The following HRG variants were observed in gnomAD, a reference collection of about 807,000 sequenced individuals.
HRG encodes the protein histidine rich glycoprotein, also known as histidine-rich glycoprotein.
Under a neutral mutation model 29.5 loss-of-function variants are expected in HRG, and 26 were observed. That is an observed-to-expected ratio of 0.88 (90% confidence interval 0.65 to 1.22). HRG has a LOEUF of 1.22. Ranked by LOEUF, HRG falls within the 50% of genes most tolerant of loss-of-function variation. The probability of loss-of-function intolerance (pLI) is 0.00; values close to 1 mark genes in which losing one functional copy is unlikely to be tolerated. For synonymous variants in HRG, 243 were observed against 240.4 expected (o/e 1.01, Z -0.10); for missense variants, 671 against 654.5 (o/e 1.03, Z -0.28).
intron 2 of HRG, among the ~76,000 whole-genome samples, chr3:186,669,312 C>G (rs1013667852): frequency 6.6e-6 from 1 of 152,172 alleles, no homozygotes; most frequent in African/African-American, 2.4e-5. Context: ...CTAATAACAT[C>G]CCTCCACTTT....
chr3:186,668,200 T>C (rs1324012967), intron 1 of HRG, among the ~76,000 whole-genome samples: 1 of 152,052 alleles, frequency 6.6e-6, no homozygotes, highest in Admixed American at 6.6e-5. Flanking sequence ...TGGGGAGGGG[T>C]CCTGATGTGC....
chr3:186,666,073 G>A lies in HRG; in HGVS notation c.42G>A (p.Gln14=). The change falls in exon 1 of 7, where the codon CAG becomes CAA. Residue 14 remains glutamine (Q), a synonymous_variant. Coordinates refer to ENST00000232003, the MANE Select transcript of HRG (RefSeq NM_000412.5). ...LIAALLLITL[Q]YSCAVSPTDC... is the part of the protein sequence containing the mutation. ...CAGCACTGCTTTTGATCACATTGCA[G>A]TATTCGTGTGCCGTGAGTCCCACTG... The A allele has an allele frequency of 6.2e-7, 1 of 1,614,222 alleles. No individual in the cohort carries two copies. The highest frequency in any genetic ancestry group is 8.5e-7 in the Non-Finnish European group (1 of 1,180,018).
intron 1 of HRG, 126 bp downstream of exon 1, chr3:186,666,340 G>A (rs1313184001): frequency 2.2e-6 from 2 of 906,258 alleles, no homozygotes; most frequent in African/African-American, 3.3e-5. Context: ...TTTGGCTTCT[G>A]CGGCTGCTCT....
rs757317814 is a variant in HRG, at chr3:186,677,386, C to G, written c.1081C>G (p.Pro361Ala). The G allele has an allele frequency of 3.7e-6, 6 of 1,613,118 alleles. No homozygotes were observed. The highest frequency in any genetic ancestry group is 5.1e-6 in the Non-Finnish European group (6 of 1,179,618). The change falls in exon 7 of 7, where the codon CCC (proline) becomes GCC (alanine). Residue 361 changes from proline to alanine, a missense_variant. Transcript: ENST00000232003. ...PHKHHSHEQH[P>A]HGHHPHAHHP... Reference sequence around the variant, plus strand: ...TAAGCATCATTCCCATGAACAGCATCCCCACGGACACCATCCCCATGCACA... The same window carrying G: ...TAAGCATCATTCCCATGAACAGCATGCCCACGGACACCATCCCCATGCACA...
intron 1 of HRG, chr3:186,667,160 G>C (rs149355864): frequency 2.0e-5 from 3 of 152,308 alleles, no homozygotes; most frequent in African/African-American, 7.2e-5. Flanking sequence ...TCTCTGTGTG[G>C]CATTTCTTGC....
intron 2 of HRG, 124 bp downstream of exon 2, chr3:186,669,175 T>G: frequency 2.6e-6 from 2 of 768,826 alleles, no homozygotes; most frequent in Non-Finnish European, 4.8e-6. Context: ...TTGAGATTCA[T>G]GAAGATGATG....
chr3:186,675,027 T>C lies in HRG; in HGVS notation c.640-62T>C, dbSNP rs543724255. ...CTTTTCTGAATGTCTGGAAGCTAACTCTGGCTGGTCATCTTCACACCACCT... is the reference window on the plus strand; with the variant it reads ...CTTTTCTGAATGTCTGGAAGCTAACCCTGGCTGGTCATCTTCACACCACCT... On this transcript the variant is annotated intron_variant, in intron 5 of 6. Coordinates refer to ENST00000232003, the MANE Select transcript of HRG (RefSeq NM_000412.5). 2.8e-5 allele frequency: 30 copies of C among 1,079,470 alleles called. No individual in the cohort carries two copies. The South Asian group carries it at 3.6e-4, about 13-fold the overall frequency. 66.9% of individuals were successfully genotyped at this position (1,079,470 alleles called of 1,614,324 possible). A position where few individuals can be genotyped will look rare whatever the true frequency, so the allele number is the denominator to read the frequency against.
At chr3:186,674,166 CCTT>C (rs1342053267) in intron 5 of HRG, 1 of 152,118 alleles carries the variant, frequency 6.6e-6, no homozygotes, top group Non-Finnish European at 1.5e-5. Context: ...GGTCTAGAAA[CCTT>C]CTTAGCGCCC....
intron 2 of HRG, 135 bp downstream of exon 2, chr3:186,669,186 T>G: frequency 1.3e-6 from 1 of 757,114 alleles, no homozygotes; most frequent in Admixed American, 1.7e-5. Context: ...GAAGATGATG[T>G]TAACCTTGAG....
chr3:186,668,739 TA>T lies in HRG; in HGVS notation c.184-191del, dbSNP rs1226550626. 3.7e-5 allele frequency: 21 copies of T among 566,322 alleles called. No homozygotes were observed. The African/African-American group carries it at 3.8e-4, about 10-fold the overall frequency. The allele number at this position is 566,322 out of a possible 1,614,324, so 35.1% of individuals were successfully genotyped here. A position where few individuals can be genotyped will look rare whatever the true frequency, so the allele number is the denominator to read the frequency against. ...GGGCAGAAGACAAATCAGGACCACT[TA>T]AAAAGATTTGGAAATAACTCATTGA... On this transcript the variant is annotated intron_variant, in intron 1 of 6. Coordinates refer to ENST00000232003, the MANE Select transcript of HRG (RefSeq NM_000412.5).
intron 2 of HRG, 77 bp from the exon 3 acceptor site, chr3:186,669,861 T>C (rs1718731655): frequency 2.5e-6 from 2 of 792,698 alleles, no homozygotes; most frequent in East Asian, 4.9e-5. Flanking sequence ...TGCATCACCT[T>C]TTTGCTCTTT....
intron 2 of HRG, chr3:186,669,655 C>G (rs1024935357): frequency 2.1e-6 from 1 of 465,832 alleles, no homozygotes; most frequent in African/African-American, 2.0e-5. Context: ...GGTTCACACT[C>G]CTGGAACTTT....
chr3:186,668,878 A>AG, intron 1 of HRG, 57 bp from the exon 2 acceptor site: 5 of 959,468 alleles, frequency 5.2e-6, no homozygotes, highest in Non-Finnish European at 8.5e-6. Flanking sequence ...TAATACATAA[A>AG]AAAAAACCCG....
intron 2 of HRG, among the ~76,000 whole-genome samples, 200 bp downstream of exon 2, chr3:186,669,251 G>A (rs1389032995): frequency 6.6e-6 from 1 of 152,232 alleles, no homozygotes; most frequent in Non-Finnish European, 1.5e-5. Flanking sequence ...TCAGCAGGGT[G>A]TGTGGTCCCA....
rs560743010 is a variant in HRG at position 186,674,396 on chromosome 3, T to C, written c.640-693T>C. 7 of 156,916 alleles carry C rather than the reference T, an allele frequency of 4.5e-5. No homozygotes were observed. The South Asian group carries it at 1.4e-3, about 31-fold the overall frequency. 9.7% of individuals were successfully genotyped at this position (156,916 alleles called of 1,614,324 possible). On this transcript the variant is annotated intron_variant, in intron 5 of 6. Transcript: ENST00000232003. ...CAATGGCTGACTTTCAGAAATCTTT[T>C]GTAACTTTCCCAAACTCAGACAACT... is the stretch of plus-strand genomic sequence containing the variant.
chr3:186,677,754 G>C lies in HRG; in HGVS notation c.1449G>C (p.Pro483=), dbSNP rs768352760. Residue 483 remains proline (P), a synonymous_variant, in exon 7 of 7, where the codon CCG becomes CCC. Coordinates refer to ENST00000232003, the MANE Select transcript of HRG (RefSeq NM_000412.5). ...PEANFPSFPL[P]HHKHPLKPDN... is the part of the protein sequence containing the mutation. ...CCAATTTTCCCAGCTTCCCATTGCC[G>C]CACCACAAACATCCTCTAAAGCCAG... 1.2e-6 allele frequency: 2 copies of C among 1,611,578 alleles called. No individual in the cohort carries two copies.
At chr3:186,667,213 G>A (rs1297406579) in intron 1 of HRG, 1 of 152,176 alleles carries the variant, frequency 6.6e-6, no homozygotes, top group Non-Finnish European at 1.5e-5. Flanking sequence ...CGGATCTGAG[G>A]ACCTACTATC....
Position 186,671,661 on chromosome 3 carries a change from C to G in HRG, c.430C>G (p.Leu144Val). Residue 144 changes from leucine (L) to valine (V), a missense_variant, in exon 4 of 7, where the codon CTC becomes GTC. Coordinates refer to ENST00000232003, the MANE Select transcript of HRG (RefSeq NM_000412.5). Reference sequence around the variant, plus strand: ...GGCCAATACCAAAGATAGTCCGGTCCTCATAGATTTCTTTGAGGATACTGA... The same window carrying G: ...GGCCAATACCAAAGATAGTCCGGTCGTCATAGATTTCTTTGAGGATACTGA... ...ALANTKDSPVLIDFFEDTERY... is the reference protein window; with the variant it reads ...ALANTKDSPVVIDFFEDTERY... 6.2e-7 allele frequency: 1 copy of G among 1,614,034 alleles called. No individual in the cohort carries two copies. The highest frequency in any genetic ancestry group is 8.5e-7 in the Non-Finnish European group (1 of 1,179,944).
chr3:186,674,948 C>T (rs1182785068), intron 5 of HRG, 141 bp from the exon 6 acceptor site: 40 of 731,744 alleles, frequency 5.5e-5, no homozygotes, highest in Middle Eastern at 7.7e-4. Context: ...GATTGCTGAA[C>T]GACTGGTGGG....
Sources: allele counts gnomAD v4.1 joint callset (sites outside exome capture counted in the v4.1 genomes callset), GRCh38; gene constraint gnomAD v4.1.1; transcripts MANE v1.5; gene names NCBI Gene and HGNC (gene_info 2026-07-23, HGNC 2026-07-21).